The following MFSD12 variants were observed in gnomAD, a reference collection of about 807,000 sequenced individuals.
MFSD12 encodes the protein major facilitator superfamily domain-containing protein 12.
Under a neutral mutation model 51.2 loss-of-function variants are expected in MFSD12, and 67 were observed. The ratio of observed to expected loss-of-function variants is 1.31; its 90% CI spans 1.08 to 1.60. The LOEUF is 1.60. MFSD12 is among the 40% of genes most tolerant of loss of function. The probability of loss-of-function intolerance (pLI) is 0.00; values close to 1 mark genes in which losing one functional copy is unlikely to be tolerated. For synonymous variants in MFSD12, 441 were observed against 316.7 expected (o/e 1.39, Z -4.17); for missense variants, 921 against 673.0 (o/e 1.37, Z -4.08).
At chr19:3,543,351 T>G (rs770469730), downstream of MFSD12, 35 of 1,549,368 alleles carry the variant, frequency 2.3e-5, no homozygotes, top group Non-Finnish European at 3.0e-5. Flanking sequence ...TACACAGGCC[T>G]GACCAACTCG....
Position 3,547,388 on chromosome 19 carries a change from C to T in MFSD12, c.931-24G>A, listed in dbSNP as rs200704066. ...TTCTGCGGAGGCAGAGCCAGGCATG[C>T]CGTGTCAGTCATGGCTCGCCAGGCT... On this transcript the variant is annotated intron_variant, in intron 5 of 9. Coordinates refer to ENST00000355415, the MANE Select transcript of MFSD12 (RefSeq NM_174983.5). 717 of 1,612,314 alleles carry T rather than the reference C, an allele frequency of 4.4e-4. 3 individuals carry two copies. Among genetic ancestry groups the T allele is most frequent in the Non-Finnish European group, 1.0e-4 (119 of 1,179,164 alleles).
intron 6 of MFSD12, among the ~76,000 whole-genome samples, chr19:3,546,908 A>C (rs1408117897): frequency 6.7e-6 from 1 of 149,836 alleles, no homozygotes; most frequent in African/African-American, 2.5e-5. Flanking sequence ...ATCTCATCTC[A>C]CTGCAAGCTC....
At chr19:3,554,889 G>A (rs756069320) in intron 1 of MFSD12, among the ~76,000 whole-genome samples, 6 of 152,172 alleles carry the variant, frequency 3.9e-5, no homozygotes, top group Non-Finnish European at 7.3e-5. Flanking sequence ...CATCAAGAGC[G>A]GCTGCCTGGG....
Position 3,547,361 on chromosome 19 carries a change from ACTT to A in MFSD12, c.931_933del (p.Lys311del). ...ATCACCAGGGGAATGGTCGCGATGA[ACTT>A]CTGCGGAGGCAGAGCCAGGCATGCC... On this transcript the variant is annotated inframe_deletion and splice_region_variant, in exon 6 of 10. Transcript: ENST00000355415. The A allele has an allele frequency of 2.5e-6, 4 of 1,613,166 alleles. No individual in the cohort carries two copies. Among genetic ancestry groups the A allele is most frequent in the Non-Finnish European group, 3.4e-6 (4 of 1,179,936 alleles).
In MFSD12 at chr19:3,544,509, C is replaced by G. The variant is rs563029664; in HGVS notation, c.*201G>C. On this transcript the variant is annotated 3_prime_UTR_variant, in exon 10 of 10. Transcript: ENST00000355415. ...ATTAGAGTTGAGAATGGGACACCCTCAAAACCCAGGGGGTCCTTGCAAGTC... is the reference window on the plus strand; with the variant it reads ...ATTAGAGTTGAGAATGGGACACCCTGAAAACCCAGGGGGTCCTTGCAAGTC... 4 of 1,402,086 alleles carry G rather than the reference C, an allele frequency of 2.9e-6. No individual in the cohort carries two copies. The highest frequency in any genetic ancestry group is 5.9e-5 in the Admixed American group (2 of 33,672). 86.9% of individuals were successfully genotyped at this position (1,402,086 alleles called of 1,614,324 possible).
downstream of MFSD12, chr19:3,543,411 T>A (rs779946525): frequency 6.5e-7 from 1 of 1,547,556 alleles, no homozygotes; most frequent in South Asian, 1.2e-5. Flanking sequence ...GCCAGCCCCT[T>A]CCGCGAGGCC....
intron 1 of MFSD12, among the ~76,000 whole-genome samples, chr19:3,556,466 C>T (rs73527956): frequency 0.055 from 8,365 of 151,236 alleles, 284 homozygotes; most frequent in South Asian, 0.17. Context: ...AGAGGGGATA[C>T]GGGGCAGTTA....
rs370580044 is a variant in MFSD12 at position 3,557,194 on chromosome 19, C to A, written c.210G>T (p.Gly70=). 2.3e-4 allele frequency: 364 copies of A among 1,565,230 alleles called. 2 individuals carry two copies. In the African/African-American group the frequency reaches 3.9e-3, roughly 17 times the overall value. ...LLLLLGQVAD[G]LCTPLVGYEA... is the part of the protein sequence containing the mutation. ...CGTAGCCCACGAGCGGTGTGCACAG[C>A]CCGTCGGCCACCTGGCCCAGCAGCA... Residue 70 remains glycine, a synonymous_variant, in exon 1 of 10, where the codon GGG becomes GGT. Transcript: ENST00000355415.
chr19:3,556,663 G>C (rs1002298010), intron 1 of MFSD12, among the ~76,000 whole-genome samples: 1 of 151,892 alleles, frequency 6.6e-6, no homozygotes, highest in South Asian at 2.1e-4. Flanking sequence ...GGAGGCTCAG[G>C]AGTGACACCA....
At position 3,548,122 on chromosome 19, in the gene MFSD12, C is replaced by G. The variant is rs779602561; in HGVS notation, c.654+1G>C. 1 of 1,606,386 alleles carries G rather than the reference C, an allele frequency of 6.2e-7. No individual in the cohort carries two copies. Among genetic ancestry groups the G allele is most frequent in the Non-Finnish European group, 8.5e-7 (1 of 1,178,918 alleles). On this transcript the variant is annotated splice_donor_variant, in intron 3 of 9. Coordinates refer to ENST00000355415, the MANE Select transcript of MFSD12 (RefSeq NM_174983.5). LOFTEE classifies it high-confidence loss of function. ...GGCGACCCACCCGGACTCCAGCTCA[C>G]CCGGAACACGGGCACGTCCTGGCCC...
At chr19:3,543,774 T>G (rs1005173664), downstream of MFSD12, 1 of 1,490,470 alleles carries the variant, frequency 6.7e-7, no homozygotes, top group African/African-American at 1.4e-5. Context: ...AGGAGCCCCT[T>G]GCTGGCCAAC....
Position 3,546,344 on chromosome 19 carries a change from A to G in MFSD12, c.1105T>C (p.Tyr369His), listed in dbSNP as rs1207532586. Residue 369 changes from tyrosine (Y) to histidine (H), a missense_variant, in exon 7 of 10, where the codon TAC becomes CAC. Coordinates refer to ENST00000355415, the MANE Select transcript of MFSD12 (RefSeq NM_174983.5). The part of the protein sequence containing the change: ...ALAEGLGVAV[Y>H]AAAVLLGAGC... ...GCACCCAGCAGCACAGCCGCTGCGT[A>G]CACGGCCACACCCAGTCCCTCCGCC... 1.2e-5 allele frequency: 20 copies of G among 1,607,664 alleles called. No homozygotes were observed. In the African/African-American group the frequency reaches 1.3e-4, roughly 11 times the overall value.
intron 1 of MFSD12, among the ~76,000 whole-genome samples, chr19:3,552,781 G>A (rs2031545445): frequency 6.6e-6 from 1 of 152,124 alleles, no homozygotes; most frequent in Admixed American, 6.6e-5. Context: ...CACCATACCG[G>A]CTGTTACTTC....
chr19:3,538,968 G>A lies in MFSD12; in HGVS notation c.*6-212C>T. On this transcript the variant is annotated intron_variant, in intron 4 of 4. Transcript: ENST00000398558. The stretch of plus-strand genomic sequence containing the variant: ...GGCTCAGGGCCACGGACCCCACCTG[G>A]CAGTGGCCCTGGCCTTGCCCACCCA... 4.7e-6 allele frequency: 3 copies of A among 635,716 alleles called. No homozygotes were observed. The South Asian group carries it at 5.4e-5, about 11-fold the overall frequency. The allele number at this position is 635,716 out of a possible 1,614,324, so 39.4% of individuals were successfully genotyped here.
chr19:3,549,527 A>G (rs908760194), intron 2 of MFSD12, among the ~76,000 whole-genome samples: 3 of 151,676 alleles, frequency 2.0e-5, no homozygotes, highest in Admixed American at 1.3e-4. Flanking sequence ...GTTCGAGACC[A>G]GCCTGGCCAA....
At position 3,546,274 on chromosome 19, in the gene MFSD12, T is replaced by G; in HGVS notation, c.1175A>C (p.Asp392Ala). 1.2e-6 allele frequency: 2 copies of G among 1,610,532 alleles called. No individual in the cohort carries two copies. The highest frequency in any genetic ancestry group is 1.7e-6 in the Non-Finnish European group (2 of 1,179,154). Residue 392 changes from aspartate (D) to alanine (A), a missense_variant, in exon 7 of 10, where the codon GAC (aspartate) becomes GCC (alanine). Coordinates refer to ENST00000355415, the MANE Select transcript of MFSD12 (RefSeq NM_174983.5). ...CCCTACCGTGTGGGGACCGATGAGGTCGGCCGTCATGGCCAGCGAGGTGAC... is the reference window on the plus strand; with the variant it reads ...CCCTACCGTGTGGGGACCGATGAGGGCGGCCGTCATGGCCAGCGAGGTGAC... ...ILVTSLAMTA[D>A]LIGPHTNSGA...
chr19:3,547,707 T>C lies in MFSD12; in HGVS notation c.837+141A>G, dbSNP rs566175330. ...TGGGCCAGGAAGAGGAGAGCAGCAC[T>C]TGATGAGTGACGTTTGCCCTGGGTG... On this transcript the variant is annotated intron_variant, in intron 4 of 9. Transcript: ENST00000355415. The C allele has an allele frequency of 7.1e-4, 845 of 1,192,602 alleles. 1 individual carries two copies. The highest frequency in any genetic ancestry group is 1.4e-3 in the Middle Eastern group (5 of 3,534). The allele number at this position is 1,192,602 out of a possible 1,614,324, so 73.9% of individuals were successfully genotyped here.
intron 1 of MFSD12, among the ~76,000 whole-genome samples, chr19:3,556,845 C>A (rs531238982): frequency 9.8e-6 from 1 of 102,474 alleles, no homozygotes; most frequent in African/African-American, 2.8e-5. Flanking sequence ...GCCATGGGCA[C>A]AGACAGACAG....
Position 3,544,358 on chromosome 19 carries a change from C to T in MFSD12, c.*352G>A, listed in dbSNP as rs1431164651. The T allele has an allele frequency of 1.6e-6, 2 of 1,278,732 alleles. No individual in the cohort carries two copies. Among genetic ancestry groups the T allele is most frequent in the Non-Finnish European group, 2.0e-6 (2 of 1,012,694 alleles). 79.2% of individuals were successfully genotyped at this position (1,278,732 alleles called of 1,614,324 possible). On this transcript the variant is annotated 3_prime_UTR_variant, in exon 10 of 10. Transcript: ENST00000355415. Reference sequence around the variant, plus strand: ...GGCCCTGGCAGTGTCTGGAGACCCCCAGGCTGGAGGTGAGGGGTGAACTGG... The same window carrying T: ...GGCCCTGGCAGTGTCTGGAGACCCCTAGGCTGGAGGTGAGGGGTGAACTGG...
Sources: gnomAD v4.1 joint callset for allele counts (sites outside exome capture counted in the v4.1 genomes callset) on GRCh38, gnomAD v4.1.1 for gene constraint, MANE v1.5 for transcripts, NCBI Gene and HGNC (gene_info 2026-07-23, HGNC 2026-07-21) for gene names.